LRRC37A2: variants seen among roughly 807,000 people sequenced by gnomAD.
LRRC37A2 encodes the protein leucine-rich repeat-containing protein 37A2.
LRRC37A2 carries 9 observed loss-of-function variants against 68.8 expected under a neutral mutation model. The ratio of observed to expected loss-of-function variants is 0.13; its 90% CI spans 0.08 to 0.23. The LOEUF (loss-of-function observed/expected upper bound fraction) is 0.23, where lower values mean the gene tolerates loss of function less well. Among genes scored for constraint, LRRC37A2 ranks in the 10% least tolerant of loss-of-function variants. The pLI is 1.00. For synonymous variants in LRRC37A2, 63 were observed against 367.6 expected, an observed-to-expected ratio of 0.17 and a Z score of 9.48; for missense variants, 168 against 950.4, an observed-to-expected ratio of 0.18 and a Z score of 10.82.
At chr17:47,013,448 C>T in the LRRC37A2 span, among the ~76,000 whole-genome samples, 6 of 152,112 alleles carry the variant, frequency 3.9e-5, no homozygotes, top group African/African-American at 1.2e-4. Flanking sequence ...TTTGACATGC[C>T]CCAATCCATA....
At chr17:46,635,777 A>ATGTGTGTGTGTGTGTG in the LRRC37A2 span, among the ~76,000 whole-genome samples, 4,797 of 116,116 alleles carry the variant, frequency 0.041, 28 homozygotes, top group Non-Finnish European at 0.052. Context: ...GGGAAAATAA[A>ATGTGTGTGTGTGTGTG]TGTGTGTGTG....
the LRRC37A2 span, among the ~76,000 whole-genome samples, chr17:46,945,913 A>G: frequency 2.0e-5 from 3 of 152,204 alleles, no homozygotes; most frequent in Non-Finnish European, 4.4e-5. Flanking sequence ...TGCTATGTGC[A>G]TGGAGTGGGT....
rs1160698551 is a variant in LRRC37A2 at position 46,521,120 on chromosome 17, A to G, written c.2753+837A>G. Reference sequence around the variant, plus strand: ...CCTAACTCTTCACTAATTACAAAATAACGATCGCCCCAGCCCTGTTACCAA... The same window carrying G: ...CCTAACTCTTCACTAATTACAAAATGACGATCGCCCCAGCCCTGTTACCAA... On this transcript the variant is annotated intron_variant, in intron 4 of 14. Coordinates refer to ENST00000576629, the Ensembl canonical transcript of LRRC37A2. 2.6e-5 allele frequency among the ~76,000 whole-genome samples: 2 copies of G among 75,712 alleles called. 1 individual carries two copies. The highest frequency in any genetic ancestry group is 7.0e-5 in the Non-Finnish European group (2 of 28,526). The allele number at this position is 75,712 out of a possible 152,430, so 49.7% of individuals were successfully genotyped here.
chr17:46,773,329 C>T, the LRRC37A2 span, among the ~76,000 whole-genome samples: 1 of 152,118 alleles, frequency 6.6e-6, no homozygotes, highest in Non-Finnish European at 1.5e-5. Flanking sequence ...CTCTCACCCC[C>T]ACCCCAAAGC....
At chr17:46,852,387 C>G in the LRRC37A2 span, among the ~76,000 whole-genome samples, 1 of 105,804 alleles carries the variant, frequency 9.5e-6, no homozygotes, top group Non-Finnish European at 1.9e-5. Flanking sequence ...GTGAGAGGGC[C>G]CAGTGTGTGT....
the LRRC37A2 span, among the ~76,000 whole-genome samples, chr17:47,048,241 T>C: frequency 6.6e-6 from 1 of 151,068 alleles, no homozygotes; most frequent in African/African-American, 2.4e-5. Flanking sequence ...TCTCACAATC[T>C]TTACTTCTTC....
chr17:46,792,790 TAA>T, the LRRC37A2 span, among the ~76,000 whole-genome samples: 1 of 152,304 alleles, frequency 6.6e-6, no homozygotes, highest in African/African-American at 2.4e-5. Flanking sequence ...TTATTAATAA[TAA>T]TAGTTAACAT....
chr17:46,875,184 A>C, the LRRC37A2 span: 4 of 1,613,946 alleles, frequency 2.5e-6, no homozygotes, highest in Non-Finnish European at 3.4e-6. Context: ...CGCTGGGCGC[A>C]TGGAGCGCTG....
the LRRC37A2 span, chr17:46,964,172 G>A: frequency 3.3e-5 from 5 of 152,108 alleles, no homozygotes; most frequent in African/African-American, 9.7e-5. Flanking sequence ...CAGGTGTTAG[G>A]GACCATCTTA....
At chr17:46,666,136 G>A in the LRRC37A2 span, among the ~76,000 whole-genome samples, 1 of 150,036 alleles carries the variant, frequency 6.7e-6, no homozygotes, top group South Asian at 2.1e-4. Flanking sequence ...AAGATAAAGG[G>A]GAACTTTGGA....
the LRRC37A2 span, among the ~76,000 whole-genome samples, chr17:46,834,397 G>A: frequency 2.6e-5 from 4 of 152,224 alleles, no homozygotes; most frequent in African/African-American, 4.8e-5. Context: ...TGGGGAGGGC[G>A]CGCATTAGGA....
the LRRC37A2 span, among the ~76,000 whole-genome samples, chr17:46,950,724 TCTGTGTG>T: frequency 6.6e-6 from 1 of 152,006 alleles, no homozygotes; most frequent in Non-Finnish European, 1.5e-5. Flanking sequence ...CAGGGACTGG[TCTGTGTG>T]GGGGCACTCT....
chr17:46,740,379 C>G, the LRRC37A2 span, among the ~76,000 whole-genome samples: 1 of 152,044 alleles, frequency 6.6e-6, no homozygotes, highest in South Asian at 2.1e-4. Context: ...CTGGAGAAAG[C>G]ATTTTAATAA....
the LRRC37A2 span, among the ~76,000 whole-genome samples, chr17:47,044,257 TA>T: frequency 1.3e-5 from 2 of 151,540 alleles, no homozygotes; most frequent in African/African-American, 4.8e-5. Flanking sequence ...CAGTATACTT[TA>T]AAACAATCCT....
the LRRC37A2 span, among the ~76,000 whole-genome samples, chr17:47,000,096 T>TAAAAATAA: frequency 2.8e-4 from 32 of 114,816 alleles, 2 homozygotes; most frequent in East Asian, 4.5e-4. Flanking sequence ...TAAAATAAAA[T>TAAAAATAA]AAAATAAAAT....
chr17:46,678,555 G>A, the LRRC37A2 span, among the ~76,000 whole-genome samples: 757 of 147,598 alleles, frequency 5.1e-3, 8 homozygotes, highest in African/African-American at 0.018. Context: ...TTCCAGAAAG[G>A]CAAGAGAAAG....
At chr17:47,027,077 A>T in the LRRC37A2 span, among the ~76,000 whole-genome samples, 1 of 151,944 alleles carries the variant, frequency 6.6e-6, no homozygotes, top group Non-Finnish European at 1.5e-5. Context: ...GGCCTGGCTA[A>T]TTTTTTCTAT....
chr17:47,007,656 T>C, the LRRC37A2 span, among the ~76,000 whole-genome samples: 1 of 152,220 alleles, frequency 6.6e-6, no homozygotes, highest in Admixed American at 6.5e-5. Context: ...GTATCACGTG[T>C]AGGAATGCTA....
the LRRC37A2 span, among the ~76,000 whole-genome samples, chr17:47,007,457 C>T: frequency 2.0e-5 from 3 of 152,186 alleles, no homozygotes; most frequent in Admixed American, 2.0e-4. Flanking sequence ...GGATTGCAGG[C>T]GTGAGCCACT....
Sources: gnomAD v4.1 joint callset for allele counts (sites outside exome capture counted in the v4.1 genomes callset) on GRCh38, gnomAD v4.1.1 for gene constraint, MANE v1.5 for transcripts, NCBI Gene and HGNC (gene_info 2026-07-23, HGNC 2026-07-21) for gene names.